Variants in BAG2 observed in about 807,000 individuals in gnomAD.
BAG2 encodes BAG family molecular chaperone regulator 2.
In BAG2, 8 loss-of-function variants were observed where a neutral mutation model predicts 16.4. The observed-to-expected ratio is 0.49, with a 90% confidence interval of 0.29 to 0.88. The LOEUF is 0.88. BAG2 is among the 40% of genes least tolerant of loss of function. BAG2 has a pLI of 0.09. For synonymous variants in BAG2, 82 were observed against 89.2 expected, an observed-to-expected ratio of 0.92 and a Z score of 0.46; for missense variants, 218 against 248.9, an observed-to-expected ratio of 0.88 and a Z score of 0.84.
At position 57,187,169 on chromosome 6, in the gene BAG2, G is replaced by A. The variant is rs1475699929; in HGVS notation, c.*2979G>A. The A allele has an allele frequency of 6.6e-6, 1 of 151,964 alleles. No individual in the cohort carries two copies. The highest frequency in any genetic ancestry group is 1.5e-5 in the Non-Finnish European group (1 of 67,978). The allele number at this position is 151,964 out of a possible 1,614,324, so 9.4% of individuals were successfully genotyped here. On this transcript the variant is annotated 3_prime_UTR_variant, in exon 3 of 3. Coordinates refer to ENST00000370693, the MANE Select transcript of BAG2 (RefSeq NM_004282.4). ...TTTATTAGTAATAAAAATATAGAAGGAATTCAGTTTTCCTTTTATCCCCAA... is the reference window on the plus strand; with the variant it reads ...TTTATTAGTAATAAAAATATAGAAGAAATTCAGTTTTCCTTTTATCCCCAA...
intron 1 of BAG2, among the ~76,000 whole-genome samples, chr6:57,176,380 G>A (rs759789408): frequency 6.6e-6 from 1 of 152,130 alleles, no homozygotes; most frequent in Non-Finnish European, 1.5e-5. Context: ...ATATAGAAAT[G>A]ATATATGGAT....
In BAG2 at chr6:57,184,892, A is replaced by T. The variant is rs1006928903; in HGVS notation, c.*702A>T. 7.9e-5 allele frequency: 12 copies of T among 152,532 alleles called. No homozygotes were observed. Among genetic ancestry groups the T allele is most frequent in the East Asian group, 3.9e-4 (2 of 5,188 alleles). The allele number at this position is 152,532 out of a possible 1,614,324, so 9.4% of individuals were successfully genotyped here. A position where few individuals can be genotyped will look rare whatever the true frequency, so the allele number is the denominator to read the frequency against. ...CCTATATTGTAACTTGCCTTTTTTT[A>T]AAAAAGTTAGATGCTGATATAAAGT... On this transcript the variant is annotated 3_prime_UTR_variant, in exon 3 of 3. Transcript: ENST00000370693.
At chr6:57,182,700 G>A (rs891256227) in intron 2 of BAG2, among the ~76,000 whole-genome samples, 1 of 152,066 alleles carries the variant, frequency 6.6e-6, no homozygotes, top group East Asian at 1.9e-4. Flanking sequence ...ACCCAGGCTG[G>A]AGTGCAATGG....
chr6:57,173,485 A>G (rs1257938166), intron 1 of BAG2: 3 of 985,174 alleles, frequency 3.0e-6, no homozygotes, highest in African/African-American at 1.7e-5. Context: ...ACCTCCCTAC[A>G]TAGAAGACTA....
intron 1 of BAG2, chr6:57,173,502 A>C (rs1764190085): frequency 1.0e-6 from 1 of 984,184 alleles, no homozygotes; most frequent in Non-Finnish European, 1.2e-6. Flanking sequence ...ACTAAGTGCT[A>C]GTTACTGGCC....
chr6:57,174,476 TTAATG>T, intron 1 of BAG2: 3 of 1,115,788 alleles, frequency 2.7e-6, no homozygotes, highest in Non-Finnish European at 3.6e-6. Flanking sequence ...TACTGTTTGA[TTAATG>T]TAAAATGAAT....
intron 1 of BAG2, chr6:57,173,835 C>A (rs1247735014): frequency 6.6e-6 from 1 of 151,818 alleles, no homozygotes; most frequent in African/African-American, 2.4e-5. Context: ...TTAGGAAACA[C>A]TGCATGTGTG....
chr6:57,189,273 G>GTGA lies in BAG2; in HGVS notation c.*5085_*5087dup, dbSNP rs1764738673. 1.3e-5 allele frequency: 2 copies of GTGA among 152,282 alleles called. No individual in the cohort carries two copies. The highest frequency in any genetic ancestry group is 4.8e-5 in the African/African-American group (2 of 41,558). 9.4% of individuals were successfully genotyped at this position (152,282 alleles called of 1,614,324 possible). On this transcript the variant is annotated 3_prime_UTR_variant, in exon 3 of 3. Coordinates refer to ENST00000370693, the MANE Select transcript of BAG2 (RefSeq NM_004282.4). ...CAAACAAGGTTATAGAAATGTTGAA[G>GTGA]TGATTGATAATCTTAAAATACCATA...
intron 1 of BAG2, among the ~76,000 whole-genome samples, chr6:57,179,516 G>A (rs1764378148): frequency 6.6e-6 from 1 of 152,118 alleles, no homozygotes; most frequent in African/African-American, 2.4e-5. Context: ...AATTGAACGT[G>A]CTAAAACATT....
In BAG2 at chr6:57,185,627, T is replaced by A. The variant is rs933046402; in HGVS notation, c.*1437T>A. ...ACTCTGCCTTATTTAAATCTTTGCA[T>A]TTCATGGGAAACATTAATTCTATCT... On this transcript the variant is annotated 3_prime_UTR_variant, in exon 3 of 3. Coordinates refer to ENST00000370693, the MANE Select transcript of BAG2 (RefSeq NM_004282.4). 6.6e-6 allele frequency: 1 copy of A among 152,256 alleles called. No homozygotes were observed. Among genetic ancestry groups the A allele is most frequent in the African/African-American group, 2.4e-5 (1 of 41,470 alleles). The allele number at this position is 152,256 out of a possible 1,614,324, so 9.4% of individuals were successfully genotyped here.
intron 1 of BAG2, among the ~76,000 whole-genome samples, chr6:57,178,216 T>A (rs937147052): frequency 6.6e-6 from 1 of 151,992 alleles, no homozygotes; most frequent in Non-Finnish European, 1.5e-5. Context: ...CAGACGAAAA[T>A]AACAGAAGGG....
At position 57,188,755 on chromosome 6, in the gene BAG2, ATCATT is replaced by A. The variant is rs1764713992; in HGVS notation, c.*4569_*4573del. The A allele has an allele frequency of 6.6e-6, 1 of 152,214 alleles. No individual in the cohort carries two copies. Among genetic ancestry groups the A allele is most frequent in the African/African-American group, 2.4e-5 (1 of 41,462 alleles). The allele number at this position is 152,214 out of a possible 1,614,324, so 9.4% of individuals were successfully genotyped here. A position where few individuals can be genotyped will look rare whatever the true frequency, so the allele number is the denominator to read the frequency against. On this transcript the variant is annotated 3_prime_UTR_variant, in exon 3 of 3. Coordinates refer to ENST00000370693, the MANE Select transcript of BAG2 (RefSeq NM_004282.4). Reference sequence around the variant, plus strand: ...ATTACTGTGAAATAGATAATGCCAGATCATTTCAATATAATGAAAAGCAAAAATTT... The same window carrying A: ...ATTACTGTGAAATAGATAATGCCAGATCAATATAATGAAAAGCAAAAATTT...
intron 1 of BAG2, 26 bp downstream of exon 1, chr6:57,172,836 G>A (rs998499952): frequency 2.3e-5 from 33 of 1,461,420 alleles, no homozygotes; most frequent in Non-Finnish European, 2.7e-5. Context: ...GCGGTCTCGG[G>A]CGTTCTGCTC....
At chr6:57,175,338 T>C (rs927853671) in intron 1 of BAG2, among the ~76,000 whole-genome samples, 1 of 152,194 alleles carries the variant, frequency 6.6e-6, no homozygotes, top group African/African-American at 2.4e-5. Context: ...TCTTATGTTA[T>C]AGTTCCTGGC....
rs1346738513 is a variant in BAG2 at position 57,184,935 on chromosome 6, T to G, written c.*745T>G. The stretch of plus-strand genomic sequence containing the variant: ...TATAAAGTCTGCTTAATTGTCAACT[T>G]AATGAGCTCTATTTTGTGTAGTTAT... On this transcript the variant is annotated 3_prime_UTR_variant, in exon 3 of 3. Transcript: ENST00000370693. 3 of 152,268 alleles carry G rather than the reference T, an allele frequency of 2.0e-5. No homozygotes were observed. Among genetic ancestry groups the G allele is most frequent in the Admixed American group, 6.5e-5 (1 of 15,292 alleles). The allele number at this position is 152,268 out of a possible 1,614,324, so 9.4% of individuals were successfully genotyped here. A position where few individuals can be genotyped will look rare whatever the true frequency, so the allele number is the denominator to read the frequency against.
Position 57,182,092 on chromosome 6 carries a change from A to C in BAG2, c.174A>C (p.Glu58Asp), listed in dbSNP as rs1431162947. The C allele has an allele frequency of 6.2e-7, 1 of 1,614,068 alleles. No homozygotes were observed. The highest frequency in any genetic ancestry group is 1.3e-5 in the African/African-American group (1 of 74,928). The change falls in exon 2 of 3, where the codon GAA (glutamate) becomes GAC (aspartate). Residue 58 changes from glutamate (E) to aspartate (D), a missense_variant. By Grantham distance (45) the Glu-to-Asp change is conservative. Transcript: ENST00000370693. ...AGCAAGAGAAAGAAATCCTTCTGGAAATGATCCACAGTATCCAAAATAGCC... is the reference window on the plus strand; with the variant it reads ...AGCAAGAGAAAGAAATCCTTCTGGACATGATCCACAGTATCCAAAATAGCC... ...AVEQEKEILL[E>D]MIHSIQNSQD...
rs1764742483 is a variant in BAG2, at chr6:57,189,366, G to A, written c.*5176G>A. The A allele has an allele frequency of 6.6e-6, 1 of 152,170 alleles. No homozygotes were observed. The highest frequency in any genetic ancestry group is 2.4e-5 in the African/African-American group (1 of 41,446). 9.4% of individuals were successfully genotyped at this position (152,170 alleles called of 1,614,324 possible). On this transcript the variant is annotated 3_prime_UTR_variant, in exon 3 of 3. Transcript: ENST00000370693. ...TTATAAAATATGTAATTTTAGTTAA[G>A]ACTAATAATAATATTTTTGTGCACT...
intron 1 of BAG2, among the ~76,000 whole-genome samples, chr6:57,177,399 G>C (rs1440629450): frequency 6.6e-6 from 1 of 152,144 alleles, no homozygotes; most frequent in African/African-American, 2.4e-5. Flanking sequence ...CTGGACGACA[G>C]AGTGAGACTC....
At chr6:57,172,868 C>G in intron 1 of BAG2, 58 bp downstream of exon 1, 2 of 1,359,390 alleles carry the variant, frequency 1.5e-6, no homozygotes, top group Non-Finnish European at 1.9e-6. Flanking sequence ...GGTTCGCGGG[C>G]GGTTAGCGGA....
Sources: gnomAD v4.1 joint callset for allele counts (sites outside exome capture counted in the v4.1 genomes callset) on GRCh38, gnomAD v4.1.1 for gene constraint, MANE v1.5 for transcripts, NCBI Gene and HGNC (gene_info 2026-07-23, HGNC 2026-07-21) for gene names.